ADGRV1: variants seen among roughly 807,000 people sequenced by gnomAD.
ADGRV1 encodes G-protein coupled receptor 98.
Under a neutral mutation model 596.2 loss-of-function variants are expected in ADGRV1, and 359 were observed. That is an observed-to-expected ratio of 0.60 (90% confidence interval 0.55 to 0.66). The LOEUF (loss-of-function observed/expected upper bound fraction) is 0.66. Among genes scored for constraint, ADGRV1 ranks in the 30% least tolerant of loss-of-function variants. The probability of loss-of-function intolerance (pLI) is 0.00; values close to 1 mark genes in which losing one functional copy is unlikely to be tolerated. For missense variants in ADGRV1, 7,274 were observed against 7,575.6 expected, an observed-to-expected ratio of 0.96 and a Z score of 1.48; for synonymous variants, 2,681 against 2,679.2, an observed-to-expected ratio of 1.00 and a Z score of -0.02.
At chr5:90,677,804 C>A (rs1033290) in intron 25 of ADGRV1, among the ~76,000 whole-genome samples, 111,891 of 152,046 alleles carry the variant, frequency 0.74, 42,197 homozygotes, top group African/African-American at 0.9. Context: ...TTTATCCCTC[C>A]GTGAGTTGGG....
chr5:91,007,464 G>C (rs767033692), intron 85 of ADGRV1, among the ~76,000 whole-genome samples: 2 of 152,014 alleles, frequency 1.3e-5, no homozygotes, highest in South Asian at 2.1e-4. Context: ...TTGTGGTCAC[G>C]GTCAAAGATG....
chr5:90,565,171 A>G (rs896621793), intron 1 of ADGRV1, among the ~76,000 whole-genome samples: 22 of 152,244 alleles, frequency 1.4e-4, no homozygotes, highest in Admixed American at 1.2e-3. Flanking sequence ...CGGGAGACAG[A>G]GGTTGCAGTG....
intron 85 of ADGRV1, 42 bp from the exon 86 acceptor site, chr5:91,072,405 C>T (rs374265121): frequency 1.8e-5 from 28 of 1,521,348 alleles, no homozygotes; most frequent in South Asian, 3.4e-5. Flanking sequence ...GAAATATTTG[C>T]GCTGAAAGTG....
intron 85 of ADGRV1, among the ~76,000 whole-genome samples, chr5:91,002,132 A>G (rs1392143211): frequency 6.6e-6 from 1 of 152,110 alleles, no homozygotes; most frequent in Non-Finnish European, 1.5e-5. Flanking sequence ...AGCTGAGTAT[A>G]TATAATTGTA....
intron 85 of ADGRV1, among the ~76,000 whole-genome samples, chr5:91,040,099 G>C (rs1193031642): frequency 6.6e-6 from 1 of 152,094 alleles, no homozygotes; most frequent in African/African-American, 2.4e-5. Flanking sequence ...ATAAAATGTA[G>C]AAAATTATTG....
chr5:90,751,277 G>T (rs1285086801), intron 53 of ADGRV1, among the ~76,000 whole-genome samples: 1 of 152,128 alleles, frequency 6.6e-6, no homozygotes, highest in Non-Finnish European at 1.5e-5. Flanking sequence ...CAGGAGATGA[G>T]CTGGTCCTTA....
At chr5:90,783,784 T>A (rs1341419888) in intron 66 of ADGRV1, 54 bp from the exon 67 acceptor site, 8 of 1,340,652 alleles carry the variant, frequency 6.0e-6, no homozygotes, top group Non-Finnish European at 8.2e-6. Context: ...ATTGGGATTT[T>A]ACAAGCACTT....
Position 90,657,733 on chromosome 5 carries a change from T to A in ADGRV1, c.4379-172T>A, listed in dbSNP as rs17621160. Reference sequence around the variant, plus strand: ...AATCCTAATGATTATGGATTCCTTTTTTAAAATCATAATAGAAGATAATAT... The same window carrying A: ...AATCCTAATGATTATGGATTCCTTTATTAAAATCATAATAGAAGATAATAT... On this transcript the variant is annotated intron_variant, in intron 20 of 89. Transcript: ENST00000405460. Among the ~76,000 whole-genome samples the A allele has an allele frequency of 0.064, 9,755 of 152,034 alleles. 420 individuals carry two copies. The highest frequency in any genetic ancestry group is 0.091 in the Non-Finnish European group (6,213 of 68,022).
intron 11 of ADGRV1, 108 bp from the exon 12 acceptor site, chr5:90,642,528 C>G: frequency 8.5e-7 from 1 of 1,177,890 alleles, no homozygotes; most frequent in Non-Finnish European, 1.2e-6. Context: ...TCCTCATAGC[C>G]TTCCTTTTCA....
At chr5:90,642,545 G>T in intron 11 of ADGRV1, 91 bp from the exon 12 acceptor site, 2 of 1,333,608 alleles carry the variant, frequency 1.5e-6, no homozygotes, top group East Asian at 2.3e-5. Context: ...TTCATTATCT[G>T]GAAGAGTTGT....
chr5:91,087,859 T>C (rs1250630562), intron 86 of ADGRV1, among the ~76,000 whole-genome samples: 1 of 152,214 alleles, frequency 6.6e-6, no homozygotes, highest in Non-Finnish European at 1.5e-5. Context: ...GGCCCTCAAG[T>C]AGCCTGGTTC....
At chr5:91,143,795 A>T (rs1306456074) in intron 87 of ADGRV1, among the ~76,000 whole-genome samples, 1 of 152,156 alleles carries the variant, frequency 6.6e-6, no homozygotes, top group Non-Finnish European at 1.5e-5. Flanking sequence ...AGTCTGCCTC[A>T]TGCCACTGTT....
chr5:90,619,429 C>A (rs1271701185), intron 4 of ADGRV1, among the ~76,000 whole-genome samples: 2 of 152,070 alleles, frequency 1.3e-5, no homozygotes, highest in East Asian at 3.9e-4. Context: ...GATTGTTCCA[C>A]CTGACTCCTT....
intron 83 of ADGRV1, among the ~76,000 whole-genome samples, chr5:90,937,497 G>T (rs575938261): frequency 2.3e-5 from 3 of 130,626 alleles, no homozygotes; most frequent in South Asian, 4.8e-4. Context: ...TAGCTCTGTC[G>T]CCCAGGCTGG....
chr5:91,085,643 G>A (rs1164011211), intron 86 of ADGRV1, among the ~76,000 whole-genome samples: 1 of 152,148 alleles, frequency 6.6e-6, no homozygotes, highest in Admixed American at 6.5e-5. Flanking sequence ...ACCAAAGCCA[G>A]CTCTCCCAAT....
chr5:91,134,980 G>A (rs1794509963), intron 87 of ADGRV1, among the ~76,000 whole-genome samples: 1 of 151,982 alleles, frequency 6.6e-6, no homozygotes, highest in Non-Finnish European at 1.5e-5. Flanking sequence ...TCAGGAGTTT[G>A]AGACTAGCCT....
At chr5:90,585,664 A>T (rs1314042585) in intron 1 of ADGRV1, among the ~76,000 whole-genome samples, 1 of 152,210 alleles carries the variant, frequency 6.6e-6, no homozygotes, top group Non-Finnish European at 1.5e-5. Context: ...GCATATTGTC[A>T]GAAGCCATAT....
At chr5:90,686,039 A>G in intron 29 of ADGRV1, 44 bp downstream of exon 29, 1 of 1,238,104 alleles carries the variant, frequency 8.1e-7, no homozygotes, top group Non-Finnish European at 1.1e-6. Context: ...GAGGGATGTA[A>G]GCACAGAGGG....
Position 90,954,030 on chromosome 5 carries a change from T to C in ADGRV1, c.17857-11385T>C, listed in dbSNP as rs539939348. ...ATTACCAATAGTGATTAAAAAGGAC[T>C]TTCTATATTTAAACAAATATTAAGG... On this transcript the variant is annotated intron_variant, in intron 83 of 89. Transcript: ENST00000405460. 2.3e-4 allele frequency among the ~76,000 whole-genome samples: 35 copies of C among 152,206 alleles called. 2 individuals carry two copies. In the South Asian group the frequency reaches 7.2e-3, roughly 32 times the overall value.
Sources: allele counts gnomAD v4.1 joint callset (sites outside exome capture counted in the v4.1 genomes callset), GRCh38; gene constraint gnomAD v4.1.1; transcripts MANE v1.5; gene names NCBI Gene and HGNC (gene_info 2026-07-23, HGNC 2026-07-21).